Variants in PLAUR observed in about 807,000 individuals in gnomAD.
PLAUR encodes plasminogen activator, urokinase receptor, also known as urokinase plasminogen activator surface receptor.
Under a neutral mutation model 33.4 loss-of-function variants are expected in PLAUR, and 22 were observed. The ratio of observed to expected loss-of-function variants is 0.66; its 90% CI spans 0.47 to 0.94. The LOEUF (loss-of-function observed/expected upper bound fraction) is 0.94. Among genes scored for constraint, PLAUR ranks in the 40% least tolerant of loss-of-function variants. The pLI, the probability that PLAUR is intolerant of heterozygous loss-of-function variation, is 0.00. For missense variants in PLAUR, 408 were observed against 434.7 expected (o/e 0.94, Z 0.55); for synonymous variants, 148 against 167.3 (o/e 0.88, Z 0.89).
At position 43,649,049 on chromosome 19, in the gene PLAUR, A is replaced by G; in HGVS notation, c.849T>C (p.Ile283=). ...CACTTTTAGTACAGCAGGAGACATC[A>G]ATGTGGTTCATGCTGAAGGCGTCAC... The part of the protein sequence containing the change: ...HLGDAFSMNH[I]DVSCCTKSGC... Residue 283 remains isoleucine, a synonymous_variant, in exon 7 of 7, where the codon ATT becomes ATC. Transcript: ENST00000340093. 6.2e-7 allele frequency: 1 copy of G among 1,614,178 alleles called. No individual in the cohort carries two copies. The highest frequency in any genetic ancestry group is 8.5e-7 in the Non-Finnish European group (1 of 1,180,014).
chr19:43,650,226 G>A (rs1244784775), intron 6 of PLAUR, among the ~76,000 whole-genome samples: 1 of 151,796 alleles, frequency 6.6e-6, no homozygotes, highest in Non-Finnish European at 1.5e-5. Context: ...GGCCAGGCTG[G>A]TCTCGAACTC....
chr19:43,669,059 G>C (rs1568567902), intron 1 of PLAUR, among the ~76,000 whole-genome samples: 1 of 152,120 alleles, frequency 6.6e-6, no homozygotes, highest in Non-Finnish European at 1.5e-5. Context: ...ACTCATTCCC[G>C]GCCTCCCGCG....
rs149727493 is a variant in PLAUR, at chr19:43,669,075, G to A, written c.55+991C>T. 3.8e-3 allele frequency among the ~76,000 whole-genome samples: 572 copies of A among 152,256 alleles called. 3 individuals carry two copies. Among genetic ancestry groups the A allele is most frequent in the Non-Finnish European group, 5.6e-3 (383 of 68,022 alleles). Reference sequence around the variant, plus strand: ...CTCATTCCCGGCCTCCCGCGGTCTCGAGCGCTTTCCGGGTTATTCATCGCG... The same window carrying A: ...CTCATTCCCGGCCTCCCGCGGTCTCAAGCGCTTTCCGGGTTATTCATCGCG... On this transcript the variant is annotated intron_variant, in intron 1 of 6. Transcript: ENST00000340093.
intron 1 of PLAUR, 182 bp from the exon 2 acceptor site, chr19:43,667,873 C>T (rs2286960): frequency 0.23 from 330,124 of 1,429,350 alleles, 39,596 homozygotes; most frequent in Middle Eastern, 0.29. Flanking sequence ...CACGTTCTAC[C>T]TCCACCCCAC....
At chr19:43,656,796 A>G (rs1974233456) in intron 3 of PLAUR, 156 bp from the exon 4 acceptor site, 3 of 596,888 alleles carry the variant, frequency 5.0e-6, no homozygotes, top group Non-Finnish European at 8.5e-6. Flanking sequence ...TCTAGAATCC[A>G]CCCCCTCCTT....
chr19:43,649,050 A>G lies in PLAUR; in HGVS notation c.848T>C (p.Ile283Thr), dbSNP rs761038119. ...HLGDAFSMNH[I>T]DVSCCTKSGC... ...ACTTTTAGTACAGCAGGAGACATCA[A>G]TGTGGTTCATGCTGAAGGCGTCACC... The change falls in exon 7 of 7, where the codon ATT becomes ACT. Residue 283 changes from isoleucine (I) to threonine (T), a missense_variant. Ile to Thr is a moderately conservative substitution (Grantham distance 89). Transcript: ENST00000340093. The G allele has an allele frequency of 3.8e-5, 62 of 1,614,200 alleles. No individual in the cohort carries two copies. In the African/African-American group the frequency reaches 4.7e-4, roughly 12 times the overall value.
chr19:43,651,784 A>T, intron 6 of PLAUR: 1 of 989,642 alleles, frequency 1.0e-6, no homozygotes, highest in African/African-American at 1.7e-5. Flanking sequence ...AAAGTTTGAG[A>T]ACCACTGGAA....
downstream of PLAUR, among the ~76,000 whole-genome samples, chr19:43,646,883 C>T (rs532109242): frequency 6.1e-5 from 9 of 147,104 alleles, no homozygotes; most frequent in South Asian, 2.1e-4. Flanking sequence ...TGGGTTCAAG[C>T]GATTCTCCTG....
At chr19:43,657,278 C>T (rs1033257671) in intron 3 of PLAUR, among the ~76,000 whole-genome samples, 2 of 152,102 alleles carry the variant, frequency 1.3e-5, no homozygotes, top group Admixed American at 1.3e-4. Context: ...CATATCTGAC[C>T]CTGTCTCTCC....
chr19:43,658,520 C>T (rs1974302941), intron 3 of PLAUR, among the ~76,000 whole-genome samples: 1 of 152,212 alleles, frequency 6.6e-6, no homozygotes, highest in African/African-American at 2.4e-5. Flanking sequence ...GGATCAAAGA[C>T]TCACTTGACT....
At chr19:43,669,809 C>CAAAA (rs59728904) in intron 1 of PLAUR, among the ~76,000 whole-genome samples, 62 of 71,178 alleles carry the variant, frequency 8.7e-4, no homozygotes, top group African/African-American at 3.0e-3. Context: ...GAGACTCTGT[C>CAAAA]AAAAAAAAAA....
chr19:43,664,796 A>T (rs924313134), intron 3 of PLAUR, among the ~76,000 whole-genome samples: 1 of 152,142 alleles, frequency 6.6e-6, no homozygotes, highest in Non-Finnish European at 1.5e-5. Flanking sequence ...TCCCGTCCCA[A>T]TGGATTGGGC....
intron 2 of PLAUR, among the ~76,000 whole-genome samples, chr19:43,666,645 G>A (rs980186663): frequency 6.6e-6 from 1 of 151,728 alleles, no homozygotes; most frequent in Non-Finnish European, 1.5e-5. Context: ...TCAGCTCACT[G>A]CAACCTCCGC....
At chr19:43,659,494 T>G (rs1974353368) in intron 3 of PLAUR, among the ~76,000 whole-genome samples, 1 of 152,118 alleles carries the variant, frequency 6.6e-6, no homozygotes, top group Non-Finnish European at 1.5e-5. Flanking sequence ...CAGTATAGAC[T>G]CTCTCATGGG....
At chr19:43,646,788 CTT>C (rs71169269), downstream of PLAUR, among the ~76,000 whole-genome samples, 1,662 of 104,822 alleles carry the variant, frequency 0.016, 24 homozygotes, top group African/African-American at 0.053. Flanking sequence ...TGGAAGATGT[CTT>C]TTTTTTTTTT....
rs143810563 is a variant in PLAUR, at chr19:43,667,385, G to A, written c.166+196C>T. 1.6e-4 allele frequency: 96 copies of A among 591,312 alleles called. No individual in the cohort carries two copies. The East Asian group carries it at 2.5e-3, about 15-fold the overall frequency. 36.6% of individuals were successfully genotyped at this position (591,312 alleles called of 1,614,324 possible). A position where few individuals can be genotyped will look rare whatever the true frequency, so the allele number is the denominator to read the frequency against. On this transcript the variant is annotated intron_variant, in intron 2 of 6. Transcript: ENST00000340093. ...CAATTTACTCCCCCACCACAGACACGGTCTGCAACTCCACATCCTTACTAA... is the reference window on the plus strand; with the variant it reads ...CAATTTACTCCCCCACCACAGACACAGTCTGCAACTCCACATCCTTACTAA...
intron 1 of PLAUR, among the ~76,000 whole-genome samples, chr19:43,669,124 G>C (rs1237884872): frequency 2.0e-5 from 3 of 152,128 alleles, no homozygotes; most frequent in Non-Finnish European, 1.5e-5. Context: ...GTGGCCACCC[G>C]CCCTGACTCA....
chr19:43,646,786 G>A (rs1461478353), downstream of PLAUR, among the ~76,000 whole-genome samples: 1 of 128,946 alleles, frequency 7.8e-6, no homozygotes, highest in African/African-American at 2.9e-5. Context: ...CATGGAAGAT[G>A]TCTTTTTTTT....
rs141471024 is a variant in PLAUR, at chr19:43,662,014, G to T, written c.310+3302C>A. 2.2e-3 allele frequency among the ~76,000 whole-genome samples: 333 copies of T among 152,258 alleles called. 1 individual carries two copies. The highest frequency in any genetic ancestry group is 7.6e-3 in the African/African-American group (317 of 41,534). ...TCCAAAGTGCTGGGATTACAGGCGT[G>T]AGCCACTGTGCCTAGCCTGAATAGC... On this transcript the variant is annotated intron_variant, in intron 3 of 6. Transcript: ENST00000340093.
Sources: allele counts gnomAD v4.1 joint callset (sites outside exome capture counted in the v4.1 genomes callset), GRCh38; gene constraint gnomAD v4.1.1; transcripts MANE v1.5; gene names NCBI Gene and HGNC (gene_info 2026-07-23, HGNC 2026-07-21).